PTPRU: variants seen among roughly 807,000 people sequenced by gnomAD.
PTPRU encodes receptor-type tyrosine-protein phosphatase U.
Under a neutral mutation model 166.3 loss-of-function variants are expected in PTPRU, and 69 were observed. The observed-to-expected ratio is 0.41, with a 90% CI of 0.34 to 0.51. The LOEUF (loss-of-function observed/expected upper bound fraction) is 0.51. PTPRU is among the 20% of genes least tolerant of loss of function. The pLI is 0.09. For missense variants in PTPRU, 1,657 were observed against 2,013.7 expected, an observed-to-expected ratio of 0.82 and a Z score of 3.39; for synonymous variants, 793 against 814.0, an observed-to-expected ratio of 0.97 and a Z score of 0.44.
chr1:29,253,396 G>T (rs1216391246), intron 1 of PTPRU, among the ~76,000 whole-genome samples: 2 of 152,072 alleles, frequency 1.3e-5, no homozygotes, highest in African/African-American at 4.8e-5. Context: ...AGGGTATGGG[G>T]CAGGACCCTC....
Position 29,260,129 on chromosome 1 carries a change from T to TG in PTPRU, c.850+87dup. 2.2e-6 allele frequency: 1 copy of TG among 446,512 alleles called. No individual in the cohort carries two copies. The highest frequency in any genetic ancestry group is 3.1e-6 in the Non-Finnish European group (1 of 319,956). 27.7% of individuals were successfully genotyped at this position (446,512 alleles called of 1,614,324 possible). ...CGGGGGCGGGCTCTGCCCGGGGGCG[T>TG]GGCCGTGGGGGGTGGGGCCGGCAGG... On this transcript the variant is annotated intron_variant, in intron 6 of 29. Transcript: ENST00000373779. This position sits in a 1 kb window ranked among gnomAD's most constrained non-coding sequence, Gnocchi z 8.3.
chr1:29,258,468 TCTC>T (rs762895632), intron 2 of PTPRU, 34 bp from the exon 3 acceptor site: 15 of 1,594,724 alleles, frequency 9.4e-6, no homozygotes, highest in South Asian at 5.7e-5. Context: ...TCCCCTGAGG[TCTC>T]CTCATCTCCT....
In PTPRU at chr1:29,285,002, C is replaced by T. The variant is rs1015335279; in HGVS notation, c.2318+133C>T. On this transcript the variant is annotated intron_variant, in intron 14 of 29. Coordinates refer to ENST00000373779, the MANE Select transcript of PTPRU (RefSeq NM_133178.4). ...TGTGGAGGGCTGCCAGCCTGGGCATCGCCTCTACAGATGGATCTGAGCTGG... is the reference window on the plus strand; with the variant it reads ...TGTGGAGGGCTGCCAGCCTGGGCATTGCCTCTACAGATGGATCTGAGCTGG... 2.4e-5 allele frequency: 30 copies of T among 1,228,212 alleles called. No individual in the cohort carries two copies. In the African/African-American group the frequency reaches 3.8e-4, roughly 16 times the overall value. The allele number at this position is 1,228,212 out of a possible 1,614,324, so 76.1% of individuals were successfully genotyped here. A position where few individuals can be genotyped will look rare whatever the true frequency, so the allele number is the denominator to read the frequency against.
chr1:29,262,987 T>G (rs988036977), intron 7 of PTPRU, among the ~76,000 whole-genome samples: 1 of 150,152 alleles, frequency 6.7e-6, no homozygotes, highest in African/African-American at 2.4e-5. Context: ...TTATTATTTA[T>G]TTATTTATTT....
At position 29,315,884 on chromosome 1, in the gene PTPRU, C is replaced by A; in HGVS notation, c.3364-118C>A. ...GTAGGCTTGGTCCAGCCTGTAGTAA[C>A]ATGGTTGGCCTCCACCTCAGGACAC... On this transcript the variant is annotated intron_variant, in intron 23 of 29. Coordinates refer to ENST00000373779, the MANE Select transcript of PTPRU (RefSeq NM_133178.4). This position sits in a 1 kb window ranked among gnomAD's most constrained non-coding sequence, Gnocchi z 4.5. The A allele has an allele frequency of 1.6e-6, 2 of 1,279,960 alleles. No individual in the cohort carries two copies. Among genetic ancestry groups the A allele is most frequent in the Non-Finnish European group, 1.1e-6 (1 of 930,402 alleles). The allele number at this position is 1,279,960 out of a possible 1,614,324, so 79.3% of individuals were successfully genotyped here. A position where few individuals can be genotyped will look rare whatever the true frequency, so the allele number is the denominator to read the frequency against.
intron 14 of PTPRU, among the ~76,000 whole-genome samples, chr1:29,287,745 C>T (rs1236347102): frequency 6.6e-6 from 1 of 152,054 alleles, no homozygotes; most frequent in Non-Finnish European, 1.5e-5. Flanking sequence ...CAGGCGCCCA[C>T]CACCACGCCC....
chr1:29,284,618 G>A (rs1686255892), intron 13 of PTPRU, 113 bp from the exon 14 acceptor site: 1 of 1,440,320 alleles, frequency 6.9e-7, no homozygotes, highest in Admixed American at 1.7e-5. Flanking sequence ...ACACATTGAG[G>A]ATGTAGGGCG....
chr1:29,279,597 G>A lies in PTPRU; in HGVS notation c.1705G>A (p.Ala569Thr). The A allele has an allele frequency of 1.2e-6, 2 of 1,613,980 alleles. No individual in the cohort carries two copies. Among genetic ancestry groups the A allele is most frequent in the Non-Finnish European group, 1.7e-6 (2 of 1,180,024 alleles). ...PGTTYLFSVR[A>T]RTGKGFGQAA... is the part of the protein sequence containing the mutation. Reference sequence around the variant, plus strand: ...CACCACCTACCTGTTCTCCGTGCGGGCCCGCACAGGCAAAGGCTTCGGCCA... The same window carrying A: ...CACCACCTACCTGTTCTCCGTGCGGACCCGCACAGGCAAAGGCTTCGGCCA... Residue 569 changes from alanine to threonine, a missense_variant, in exon 10 of 30, where the codon GCC becomes ACC. Physicochemically the swap from Ala to Thr is moderately conservative, Grantham distance 58 (BLOSUM62 0). Transcript: ENST00000373779. This position sits in a 1 kb window ranked among gnomAD's most constrained non-coding sequence, Gnocchi z 5.2.
At chr1:29,286,097 T>C (rs1458264712) in intron 14 of PTPRU, among the ~76,000 whole-genome samples, 1 of 152,130 alleles carries the variant, frequency 6.6e-6, no homozygotes, top group Non-Finnish European at 1.5e-5. Flanking sequence ...GAGAGCTGGC[T>C]GGGGCCACCT....
Position 29,259,972 on chromosome 1 carries a change from G to T in PTPRU, c.778G>T (p.Asp260Tyr). The T allele has an allele frequency of 1.9e-6, 3 of 1,555,438 alleles. No individual in the cohort carries two copies. Among genetic ancestry groups the T allele is most frequent in the South Asian group, 2.3e-5 (2 of 85,292 alleles). ...PLAAVSRAEQDLYRCVSQAPR... is the reference protein window; with the variant it reads ...PLAAVSRAEQYLYRCVSQAPR... ...GGCTGCCGTGAGCCGCGCCGAGCAG[G>T]ACCTGTACCGCTGTGTGTCCCAGGC... The change falls in exon 6 of 30, where the codon GAC becomes TAC. Residue 260 changes from aspartate to tyrosine, a missense_variant. By Grantham distance (160) the Asp-to-Tyr change is radical (BLOSUM62 -3). Coordinates refer to ENST00000373779, the MANE Select transcript of PTPRU (RefSeq NM_133178.4).
chr1:29,275,416 A>G (rs371249406), intron 7 of PTPRU, 32 bp from the exon 8 acceptor site: 4 of 1,561,806 alleles, frequency 2.6e-6, no homozygotes, highest in Non-Finnish European at 3.5e-6. Context: ...CATTTCTTCT[A>G]ACTTCTTCTC....
At chr1:29,308,725 TA>T (rs955617773) in intron 18 of PTPRU, among the ~76,000 whole-genome samples, 1 of 152,134 alleles carries the variant, frequency 6.6e-6, no homozygotes, top group African/African-American at 2.4e-5. Context: ...CTTTTTCTTT[TA>T]AAAAATATAT....
intron 7 of PTPRU, among the ~76,000 whole-genome samples, chr1:29,265,609 C>T (rs548854812): frequency 1.7e-3 from 252 of 152,122 alleles, no homozygotes; most frequent in Non-Finnish European, 2.5e-3. Context: ...GTGTTCTGCC[C>T]GCCTCAGCCT....
intron 1 of PTPRU, among the ~76,000 whole-genome samples, chr1:29,245,541 G>T (rs1114123): frequency 6.6e-6 from 1 of 151,914 alleles, no homozygotes; most frequent in Non-Finnish European, 1.5e-5. Flanking sequence ...CAGCCTCCTT[G>T]CACAGCCCTG....
chr1:29,279,071 C>G lies in PTPRU; in HGVS notation c.1513C>G (p.Leu505Val). 6 of 1,592,342 alleles carry G rather than the reference C, an allele frequency of 3.8e-6. No homozygotes were observed. The highest frequency in any genetic ancestry group is 5.1e-6 in the Non-Finnish European group (6 of 1,168,972). The change falls in exon 9 of 30, where the codon CTC (leucine) becomes GTC (valine). Residue 505 changes from leucine to valine, a missense_variant. Physicochemically the swap from Leu to Val is conservative, Grantham distance 32. Around this residue, in one of 3 missense-constraint regions of PTPRU, gnomAD observed 1,190 missense variants for 1,477.4 expected, o/e 0.81. Transcript: ENST00000373779. The surrounding 1 kb of genome is among the most constrained non-coding windows in gnomAD (Gnocchi z 5.2). ...CACTCCACTGGAGGACATGATCTTC[C>G]TCAAGTGGGAGGAGCCCCAGGAGCC... ...TFTPLEDMIF[L>V]KWEEPQEPNG...
Position 29,311,346 on chromosome 1 carries a change from G to A in PTPRU, c.2858-110G>A. The A allele has an allele frequency of 9.8e-7, 1 of 1,018,580 alleles. No individual in the cohort carries two copies. The highest frequency in any genetic ancestry group is 2.5e-5 in the East Asian group (1 of 39,504). 63.1% of individuals were successfully genotyped at this position (1,018,580 alleles called of 1,614,324 possible). On this transcript the variant is annotated intron_variant, in intron 19 of 29. Coordinates refer to ENST00000373779, the MANE Select transcript of PTPRU (RefSeq NM_133178.4). This position sits in a 1 kb window ranked among gnomAD's most constrained non-coding sequence, Gnocchi z 4.1. ...TGTGGGCAGCATGAAGCCCCCGTTG[G>A]GGCTCAGGAGGCCTCCTGGCCTGGG...
At chr1:29,294,178 G>A (rs534618695) in intron 15 of PTPRU, among the ~76,000 whole-genome samples, 1 of 152,306 alleles carries the variant, frequency 6.6e-6, no homozygotes, top group East Asian at 1.9e-4. Flanking sequence ...AACTCTGCCT[G>A]TTTTCTTTCC....
At chr1:29,261,616 G>A (rs1220058814) in intron 7 of PTPRU, among the ~76,000 whole-genome samples, 3 of 152,072 alleles carry the variant, frequency 2.0e-5, no homozygotes, top group African/African-American at 4.8e-5. Flanking sequence ...TGCAACCTCC[G>A]CCTCCTGGGT....
intron 7 of PTPRU, among the ~76,000 whole-genome samples, chr1:29,269,240 ATATATATTTTTTTTTT>A (rs1685442909): frequency 6.3e-5 from 2 of 31,822 alleles, no homozygotes; most frequent in African/African-American, 1.8e-4. Context: ...ATATATATAT[ATATATATTTTTTTTTT>A]TTTTTTTTTT....
Sources: gnomAD v4.1 joint callset for allele counts (sites outside exome capture counted in the v4.1 genomes callset) on GRCh38, gnomAD v4.1.1 for gene constraint, gnomAD v4.1.1 regional missense constraint, Gnocchi (gnomAD v3.1) non-coding constraint, MANE v1.5 for transcripts, NCBI Gene and HGNC (gene_info 2026-07-23, HGNC 2026-07-21) for gene names.